The following RANBP9 variants were observed in gnomAD, a reference collection of about 807,000 sequenced individuals.
RANBP9 encodes RAN binding protein 9, also known as ran-binding protein 9.
A neutral mutation model predicts 84.3 loss-of-function variants in RANBP9; 15 were observed. The ratio of observed to expected loss-of-function variants is 0.18; its 90% CI spans 0.12 to 0.27. The LOEUF is 0.27. Among genes scored for constraint, RANBP9 ranks in the 10% least tolerant of loss-of-function variants. The probability of loss-of-function intolerance (pLI) is 1.00; values close to 1 mark genes in which losing one functional copy is unlikely to be tolerated. For synonymous variants in RANBP9, 392 were observed against 349.6 expected, an observed-to-expected ratio of 1.12 and a Z score of -1.35; for missense variants, 809 against 912.8, an observed-to-expected ratio of 0.89 and a Z score of 1.46.
At chr6:13,626,480 A>G (rs917250900) in intron 12 of RANBP9, among the ~76,000 whole-genome samples, 7 of 152,238 alleles carry the variant, frequency 4.6e-5, no homozygotes, top group Admixed American at 2.6e-4. Context: ...TCATTACTGC[A>G]TAATGGGGAC....
chr6:13,640,115 G>A lies in RANBP9; in HGVS notation c.1335-362C>T, dbSNP rs143324584. 3.3e-3 allele frequency among the ~76,000 whole-genome samples: 510 copies of A among 152,274 alleles called. 2 individuals are homozygous for A. Among genetic ancestry groups the A allele is most frequent in the African/African-American group, 0.012 (496 of 41,554 alleles). The stretch of plus-strand genomic sequence containing the variant: ...ATTGTGCCTAAGGACATGATTTTAT[G>A]TATATGAGATACATATAAAGCGTAG... On this transcript the variant is annotated intron_variant, in intron 8 of 13. Coordinates refer to ENST00000011619, the MANE Select transcript of RANBP9 (RefSeq NM_005493.3).
At chr6:13,705,460 G>A (rs1238434275) in intron 1 of RANBP9, among the ~76,000 whole-genome samples, 1 of 134,976 alleles carries the variant, frequency 7.4e-6, no homozygotes, top group Non-Finnish European at 1.6e-5. Context: ...ATTGTCTACT[G>A]TTCTGCATGA....
chr6:13,632,179 A>G (rs1013321319), intron 12 of RANBP9, among the ~76,000 whole-genome samples, 191 bp downstream of exon 12: 4 of 104,224 alleles, frequency 3.8e-5, no homozygotes, highest in African/African-American at 7.5e-5. Context: ...CTTTAGTCCA[A>G]TGCTCTTTCC....
intron 2 of RANBP9, among the ~76,000 whole-genome samples, chr6:13,679,101 G>A (rs1207288875): frequency 6.6e-6 from 1 of 151,926 alleles, no homozygotes; most frequent in Non-Finnish European, 1.5e-5. Context: ...TGACAGTAAA[G>A]CAGCTACTTA....
intron 1 of RANBP9, among the ~76,000 whole-genome samples, chr6:13,709,003 AAC>A (rs1387311132): frequency 6.6e-5 from 10 of 152,236 alleles, no homozygotes; most frequent in African/African-American, 2.4e-4. Flanking sequence ...ATGTTTATAA[AAC>A]AGTTATGTTC....
At chr6:13,623,285 C>T (rs779910245) in intron 13 of RANBP9, among the ~76,000 whole-genome samples, 2 of 152,154 alleles carry the variant, frequency 1.3e-5, no homozygotes, top group Non-Finnish European at 2.9e-5. Context: ...AATAAAATTA[C>T]TAATCAGTTC....
chr6:13,625,909 C>G lies in RANBP9; in HGVS notation c.1948-145G>C, dbSNP rs998880188. On this transcript the variant is annotated intron_variant, in intron 12 of 13. Coordinates refer to ENST00000011619, the MANE Select transcript of RANBP9 (RefSeq NM_005493.3). ...AACCCATTTACTCCCAGCACTGGGA[C>G]GCTCTACATTTTTGAACATTAAATT... The G allele has an allele frequency of 1.8e-5, 10 of 544,244 alleles. No homozygotes were observed. In the African/African-American group the frequency reaches 1.9e-4, roughly 10 times the overall value. The allele number at this position is 544,244 out of a possible 1,614,324, so 33.7% of individuals were successfully genotyped here.
At chr6:13,670,499 A>C (rs761104910) in intron 2 of RANBP9, among the ~76,000 whole-genome samples, 21 of 151,966 alleles carry the variant, frequency 1.4e-4, no homozygotes, top group Non-Finnish European at 4.4e-5. Context: ...AAACACAAGA[A>C]AAAATAGACA....
chr6:13,711,248 C>CGGCGGGGGA lies in RANBP9; in HGVS notation c.257_258insTCCCCCGCC (p.Pro90_Pro92dup). Reference sequence around the variant, plus strand: ...CTGAGGCAGGGGGAGGCGGGGGCGGCGGCGGGGGCGGCGGGGCCGCGGTGG... The same window carrying CGGCGGGGGA: ...CTGAGGCAGGGGGAGGCGGGGGCGGCGGCGGGGGAGGCGGGGGCGGCGGGGCCGCGGTGG... On this transcript the variant is annotated inframe_insertion, in exon 1 of 14. Transcript: ENST00000011619. 1.8e-6 allele frequency: 1 copy of CGGCGGGGGA among 554,116 alleles called. No individual in the cohort carries two copies. The highest frequency in any genetic ancestry group is 2.4e-5 in the African/African-American group (1 of 41,740). The allele number at this position is 554,116 out of a possible 1,614,324, so 34.3% of individuals were successfully genotyped here.
chr6:13,675,608 A>T (rs1765870183), intron 2 of RANBP9, among the ~76,000 whole-genome samples: 1 of 151,946 alleles, frequency 6.6e-6, no homozygotes, highest in African/African-American at 2.4e-5. Context: ...AAGAAGAAGA[A>T]ATGAGAAATA....
intron 1 of RANBP9, among the ~76,000 whole-genome samples, chr6:13,698,422 G>A (rs995693940): frequency 1.3e-5 from 2 of 152,062 alleles, no homozygotes; most frequent in African/African-American, 4.8e-5. Flanking sequence ...TAATTATGGT[G>A]GCAGTAAAAC....
At chr6:13,626,323 C>T (rs1764601429) in intron 12 of RANBP9, among the ~76,000 whole-genome samples, 1 of 152,200 alleles carries the variant, frequency 6.6e-6, no homozygotes, top group African/African-American at 2.4e-5. Flanking sequence ...TGACAGTCGT[C>T]TTCTTTTCAA....
chr6:13,638,958 AAC>A (rs1765003099), intron 9 of RANBP9, among the ~76,000 whole-genome samples: 1 of 152,172 alleles, frequency 6.6e-6, no homozygotes, highest in South Asian at 2.1e-4. Context: ...ATTTTATTAA[AAC>A]ACACAATTAC....
chr6:13,644,159 A>G (rs1765127902), intron 6 of RANBP9, among the ~76,000 whole-genome samples: 1 of 152,202 alleles, frequency 6.6e-6, no homozygotes, highest in South Asian at 2.1e-4. Context: ...ACAGATCCTG[A>G]TTATAAGATC....
chr6:13,652,639 GC>G lies in RANBP9; in HGVS notation c.927+19del, dbSNP rs780112614. 2.6e-6 allele frequency: 4 copies of G among 1,561,404 alleles called. No individual in the cohort carries two copies. Among genetic ancestry groups the G allele is most frequent in the Middle Eastern group, 1.7e-4 (1 of 5,778 alleles). ...TTCCTGTAATTAAAAATGGAAAACT[GC>G]TTTTAAAAAAAGTCTTACCGGTAGG... is the stretch of plus-strand genomic sequence containing the variant. On this transcript the variant is annotated intron_variant, in intron 5 of 13. Transcript: ENST00000011619.
At position 13,709,241 on chromosome 6, in the gene RANBP9, TCA is replaced by T. The variant is rs573262711; in HGVS notation, c.571+1692_571+1693del. Among the ~76,000 whole-genome samples the T allele has an allele frequency of 1.4e-3, 211 of 152,322 alleles. 2 individuals carry two copies. The highest frequency in any genetic ancestry group is 4.9e-3 in the African/African-American group (204 of 41,580). ...CACGAATCTTAGACATCACGGAAAT[TCA>T]GAGCTGGAAATTTCCTTACCAATCG... On this transcript the variant is annotated intron_variant, in intron 1 of 13. Coordinates refer to ENST00000011619, the MANE Select transcript of RANBP9 (RefSeq NM_005493.3).
intron 5 of RANBP9, among the ~76,000 whole-genome samples, chr6:13,650,315 C>T (rs905163649): frequency 1.3e-5 from 2 of 151,896 alleles, no homozygotes; most frequent in Admixed American, 1.3e-4. Context: ...TTCAAATATT[C>T]CTTGGCTTAA....
intron 12 of RANBP9, among the ~76,000 whole-genome samples, chr6:13,627,112 T>C (rs1432673544): frequency 6.6e-6 from 1 of 152,212 alleles, no homozygotes; most frequent in African/African-American, 2.4e-5. Flanking sequence ...AATTATTTAC[T>C]ATACTATTTT....
chr6:13,675,037 C>G (rs1407715594), intron 2 of RANBP9, among the ~76,000 whole-genome samples: 4 of 152,088 alleles, frequency 2.6e-5, no homozygotes, highest in Admixed American at 2.0e-4. Context: ...GATAGAGCTA[C>G]GAGAAGCAGC....
Sources: gnomAD v4.1 joint callset for allele counts (sites outside exome capture counted in the v4.1 genomes callset) on GRCh38, gnomAD v4.1.1 for gene constraint, MANE v1.5 for transcripts, NCBI Gene and HGNC (gene_info 2026-07-23, HGNC 2026-07-21) for gene names.